Variants in WDR27 observed in about 807,000 individuals in gnomAD.
WDR27 encodes WD repeat domain 27, also known as WD repeat-containing protein 27.
In WDR27, 100 loss-of-function variants were observed where a neutral mutation model predicts 114.4. That is an observed-to-expected ratio of 0.87 (90% CI 0.74 to 1.03). WDR27 has a LOEUF of 1.03. WDR27 is among the 50% of genes least tolerant of loss of function. The pLI is 0.00. For synonymous variants in WDR27, 449 were observed against 423.1 expected, an observed-to-expected ratio of 1.06 and a Z score of -0.75; for missense variants, 1,129 against 1,092.9, an observed-to-expected ratio of 1.03 and a Z score of -0.47.
chr6:169,518,362 C>G (rs1297866887), intron 25 of WDR27, among the ~76,000 whole-genome samples: 2 of 152,270 alleles, frequency 1.3e-5, no homozygotes, highest in African/African-American at 2.4e-5. Flanking sequence ...TGGCATCCAG[C>G]CTTTTTCATA....
intron 15 of WDR27, among the ~76,000 whole-genome samples, chr6:169,648,283 T>G (rs1821309941): frequency 6.6e-6 from 1 of 152,156 alleles, no homozygotes. Flanking sequence ...CACATGCCAA[T>G]GCCTTCCGTG....
chr6:169,550,734 G>A (rs890288976), intron 25 of WDR27, among the ~76,000 whole-genome samples: 2 of 151,366 alleles, frequency 1.3e-5, no homozygotes, highest in Non-Finnish European at 2.9e-5. Context: ...TTTTATTTTT[G>A]AGACAGGGTC....
At chr6:169,511,876 C>A (rs1424256631) in intron 25 of WDR27, among the ~76,000 whole-genome samples, 8 of 152,024 alleles carry the variant, frequency 5.3e-5, no homozygotes, top group Non-Finnish European at 1.0e-4. Context: ...ACAATAAAAT[C>A]CATGGCCATT....
rs779445016 is a variant in WDR27, at chr6:169,550,873, G to A, written c.2645+21546C>T. ...TGAGACCACAGGCATGCGCCACCAC[G>A]CCTGGTTAACTTTTGTATGTTTTGT... is the stretch of plus-strand genomic sequence containing the variant. On this transcript the variant is annotated intron_variant, in intron 25 of 25. Transcript: ENST00000448612. Among the ~76,000 whole-genome samples, 25 of 152,014 alleles carry A rather than the reference G, an allele frequency of 1.6e-4. No individual in the cohort carries two copies. In the South Asian group the frequency reaches 1.7e-3, roughly 10 times the overall value.
intron 17 of WDR27, among the ~76,000 whole-genome samples, chr6:169,639,778 T>C (rs941335553): frequency 6.6e-6 from 1 of 152,206 alleles, no homozygotes; most frequent in Non-Finnish European, 1.5e-5. Context: ...TGGACCTGTC[T>C]TGCCTCATAA....
chr6:169,687,067 A>T (rs1227862492), intron 2 of WDR27, among the ~76,000 whole-genome samples: 1 of 152,178 alleles, frequency 6.6e-6, no homozygotes, highest in Admixed American at 6.5e-5. Context: ...TCTGGTATTC[A>T]AGAGTACAGT....
chr6:169,575,833 C>T (rs9371118), intron 24 of WDR27, among the ~76,000 whole-genome samples: 87,477 of 152,080 alleles, frequency 0.58, 27,443 homozygotes, highest in Non-Finnish European at 0.69. Flanking sequence ...TTTAACAGAA[C>T]AGAGAAAGAA....
At chr6:169,468,398 A>G (rs1785887970) in intron 25 of WDR27, among the ~76,000 whole-genome samples, 1 of 152,196 alleles carries the variant, frequency 6.6e-6, no homozygotes, top group African/African-American at 2.4e-5. Flanking sequence ...ACTTTCTGTC[A>G]TGGCACAAGG....
At chr6:169,526,485 C>T (rs1250678140) in intron 25 of WDR27, among the ~76,000 whole-genome samples, 4 of 151,964 alleles carry the variant, frequency 2.6e-5, no homozygotes, top group Non-Finnish European at 4.4e-5. Context: ...TGGTGGTGGG[C>T]GCCCATAGTC....
chr6:169,601,450 G>C (rs1028282979), intron 23 of WDR27, among the ~76,000 whole-genome samples: 3 of 152,166 alleles, frequency 2.0e-5, no homozygotes, highest in Non-Finnish European at 4.4e-5. Context: ...GGCATTTTCA[G>C]CAATCAATAA....
chr6:169,494,214 C>G (rs1226820293), intron 25 of WDR27, among the ~76,000 whole-genome samples: 1 of 152,124 alleles, frequency 6.6e-6, no homozygotes, highest in Non-Finnish European at 1.5e-5. Context: ...TTGAGTAAAG[C>G]AGATGCCGTC....
At chr6:169,556,015 CT>C (rs1181343738) in intron 25 of WDR27, among the ~76,000 whole-genome samples, 1 of 152,184 alleles carries the variant, frequency 6.6e-6, no homozygotes, top group Non-Finnish European at 1.5e-5. Flanking sequence ...CATGTGACCC[CT>C]GTCTGTGAGC....
At position 169,580,942 on chromosome 6, in the gene WDR27, T is replaced by TATATATAC. The variant is rs1243838723; in HGVS notation, c.2523+1893_2523+1894insGTATATAT. ...AGGAACTTAGTGAATTTTATATATA[T>TATATATAC]ATATATATATACATATATATATATA... On this transcript the variant is annotated intron_variant, in intron 24 of 25. Coordinates refer to ENST00000448612, the MANE Select transcript of WDR27 (RefSeq NM_182552.5). Among the ~76,000 whole-genome samples the TATATATAC allele has an allele frequency of 4.8e-4, 35 of 73,458 alleles. No individual in the cohort carries two copies. The East Asian group carries it at 0.013, about 27-fold the overall frequency. 48.2% of individuals were successfully genotyped at this position (73,458 alleles called of 152,430 possible).
rs1825468682 is a variant in WDR27, at chr6:169,659,717, A to T, written c.1130-199T>A. Among the ~76,000 whole-genome samples the T allele has an allele frequency of 6.6e-6, 1 of 151,814 alleles. No individual in the cohort carries two copies. The highest frequency in any genetic ancestry group is 1.5e-5 in the Non-Finnish European group (1 of 67,954). ...CCACACACACACCAGCGCACACACC[A>T]CACACACACCAGGCCCTGAGCGTCA... On this transcript the variant is annotated intron_variant, in intron 10 of 25. Transcript: ENST00000448612. This position sits in a 1 kb window ranked among gnomAD's most constrained non-coding sequence, Gnocchi z 4.3.
the WDR27 span, among the ~76,000 whole-genome samples, chr6:169,450,311 G>A: frequency 1.3e-5 from 2 of 152,186 alleles, no homozygotes; most frequent in Non-Finnish European, 2.9e-5. Flanking sequence ...GCAGACTCGC[G>A]GGAATGCCAG....
At chr6:169,652,454 G>C (rs186805008) in intron 13 of WDR27, among the ~76,000 whole-genome samples, 12 of 152,294 alleles carry the variant, frequency 7.9e-5, no homozygotes, top group African/African-American at 2.9e-4. Context: ...TCACCATGTT[G>C]GTCAGGATGG....
At chr6:169,647,529 A>G in intron 16 of WDR27, 1 of 587,884 alleles carries the variant, frequency 1.7e-6, no homozygotes, top group Non-Finnish European at 3.1e-6. Flanking sequence ...ATTCGCTGCT[A>G]GTGAGTGAGT....
chr6:169,661,538 T>A (rs190695384), intron 9 of WDR27, among the ~76,000 whole-genome samples: 14 of 152,304 alleles, frequency 9.2e-5, no homozygotes, highest in Non-Finnish European at 8.8e-5. Flanking sequence ...CCAGCACCAG[T>A]CCACGGTTCA....
chr6:169,602,450 T>G, intron 22 of WDR27, 129 bp from the exon 23 acceptor site: 1 of 610,692 alleles, frequency 1.6e-6, no homozygotes, highest in Non-Finnish European at 2.9e-6. Flanking sequence ...ATATTTTATA[T>G]GTGAGAATTA....
Sources: gnomAD v4.1 joint callset for allele counts (sites outside exome capture counted in the v4.1 genomes callset) on GRCh38, gnomAD v4.1.1 for gene constraint, Gnocchi (gnomAD v3.1) non-coding constraint, MANE v1.5 for transcripts, NCBI Gene and HGNC (gene_info 2026-07-23, HGNC 2026-07-21) for gene names.